Variants in GRID2 observed in about 807,000 individuals in gnomAD.
GRID2 encodes the protein glutamate receptor ionotropic, delta-2.
A neutral mutation model predicts 114.8 loss-of-function variants in GRID2; 33 were observed. The observed-to-expected ratio is 0.29, with a 90% CI of 0.22 to 0.38. The LOEUF (loss-of-function observed/expected upper bound fraction) is 0.38, where lower values mean the gene tolerates loss of function less well. GRID2 is among the 10% of genes least tolerant of loss of function. The pLI, the probability that GRID2 is intolerant of heterozygous loss-of-function variation, is 1.00. For missense variants in GRID2, 1,184 were observed against 1,257.7 expected (o/e 0.94, Z 0.89); for synonymous variants, 505 against 449.9 (o/e 1.12, Z -1.55).
Position 93,053,428 on chromosome 4 carries a change from T to C in GRID2, c.245-31567T>C, listed in dbSNP as rs577267397. On this transcript the variant is annotated intron_variant, in intron 2 of 15. Transcript: ENST00000282020. ...TTAAGTGTGTGTTCTCGTGTGCACA[T>C]GTTGGTGTTCGTAGGCTGTGGTCAC... Among the ~76,000 whole-genome samples, 166 of 152,066 alleles carry C rather than the reference T, an allele frequency of 1.1e-3. 4 individuals carry two copies. In the South Asian group the frequency reaches 0.033, roughly 31 times the overall value.
chr4:93,099,654 T>C lies in GRID2; in HGVS notation c.530-11094T>C, dbSNP rs552173197. Among the ~76,000 whole-genome samples the C allele has an allele frequency of 6.6e-5, 10 of 151,998 alleles. 1 individual carries two copies. The South Asian group carries it at 2.1e-3, about 32-fold the overall frequency. ...ATGAATCAGAGGGTTATTTATGGGC[T>C]CCACTGCATACTGAAAACATTGATT... On this transcript the variant is annotated intron_variant, in intron 3 of 15. Coordinates refer to ENST00000282020, the MANE Select transcript of GRID2 (RefSeq NM_001510.4).
intron 4 of GRID2, among the ~76,000 whole-genome samples, chr4:93,202,757 C>A (rs899066870): frequency 6.6e-6 from 1 of 152,036 alleles, no homozygotes. Flanking sequence ...CTCAGAAATT[C>A]TTTTTAGGTA....
In GRID2 at chr4:92,704,723, T is replaced by TTCTCTCTCTCTCTCTCTCTCTTTC. The variant is rs1734863103; in HGVS notation, c.244+114458_244+114459insTTCTCTCTCTCTCTCTCTCTCTCT. ...TCAATCTCTCTCTCTCTCTCTCTCT[T>TTCTCTCTCTCTCTCTCTCTCTTTC]TCTCTCTCTCTCTCTCTCTCTCCCT... On this transcript the variant is annotated intron_variant, in intron 2 of 15. Coordinates refer to ENST00000282020, the MANE Select transcript of GRID2 (RefSeq NM_001510.4). Among the ~76,000 whole-genome samples, 4 of 90,098 alleles carry TTCTCTCTCTCTCTCTCTCTCTTTC rather than the reference T, an allele frequency of 4.4e-5. No individual in the cohort carries two copies. The South Asian group carries it at 1.3e-3, about 30-fold the overall frequency. 59.1% of individuals were successfully genotyped at this position (90,098 alleles called of 152,430 possible).
intron 13 of GRID2, among the ~76,000 whole-genome samples, chr4:93,559,587 G>A (rs527376382): frequency 2.0e-5 from 3 of 152,076 alleles, no homozygotes; most frequent in Admixed American, 6.6e-5. Flanking sequence ...CAACAGATGC[G>A]GGAGAGGATG....
intron 9 of GRID2, among the ~76,000 whole-genome samples, chr4:93,415,281 G>A (rs1321719205): frequency 6.6e-6 from 1 of 151,992 alleles, no homozygotes; most frequent in Non-Finnish European, 1.5e-5. Context: ...CACTTGCAAA[G>A]TTCTTTGTAC....
At chr4:93,081,294 A>G (rs1455092901) in intron 2 of GRID2, among the ~76,000 whole-genome samples, 1 of 152,232 alleles carries the variant, frequency 6.6e-6, no homozygotes, top group African/African-American at 2.4e-5. Context: ...TCTCATTTTC[A>G]GTAAGAGGTA....
At chr4:92,588,542 G>A (rs910070736) in intron 1 of GRID2, among the ~76,000 whole-genome samples, 3 of 151,670 alleles carry the variant, frequency 2.0e-5, no homozygotes, top group African/African-American at 2.4e-5. Context: ...AGCTGGGCGC[G>A]GTGGCAGGTG....
At chr4:93,403,040 G>T (rs1766053793) in intron 9 of GRID2, among the ~76,000 whole-genome samples, 1 of 152,144 alleles carries the variant, frequency 6.6e-6, no homozygotes, top group African/African-American at 2.4e-5. Flanking sequence ...AACTTGTCAA[G>T]AGACTCTACT....
chr4:92,443,422 G>A (rs1229594114), intron 1 of GRID2, among the ~76,000 whole-genome samples: 5 of 151,952 alleles, frequency 3.3e-5, no homozygotes, highest in African/African-American at 1.2e-4. Context: ...AGGAGGAATG[G>A]AGGGTGGAAG....
chr4:92,626,362 C>T (rs909012431), intron 2 of GRID2, among the ~76,000 whole-genome samples: 2 of 151,944 alleles, frequency 1.3e-5, no homozygotes, highest in Non-Finnish European at 2.9e-5. Context: ...GATTTGGGCC[C>T]ATGGGTGGTT....
At chr4:92,535,076 T>C (rs1174770244) in intron 1 of GRID2, among the ~76,000 whole-genome samples, 1 of 152,184 alleles carries the variant, frequency 6.6e-6, no homozygotes. Flanking sequence ...CTCTACCTTA[T>C]ATGGGCTAAC....
At chr4:92,378,186 A>C (rs1729444915) in intron 1 of GRID2, among the ~76,000 whole-genome samples, 2 of 152,000 alleles carry the variant, frequency 1.3e-5, no homozygotes, top group South Asian at 4.1e-4. Context: ...AAAACTAAAA[A>C]TTTAAGGGGA....
intron 2 of GRID2, among the ~76,000 whole-genome samples, chr4:92,809,272 T>C (rs1560604864): frequency 1.3e-5 from 2 of 151,942 alleles, no homozygotes; most frequent in African/African-American, 4.8e-5. Context: ...TAATTGAGCC[T>C]TAGGAGTATG....
intron 13 of GRID2, among the ~76,000 whole-genome samples, chr4:93,592,108 T>C (rs565688862): frequency 6.6e-6 from 1 of 152,154 alleles, no homozygotes; most frequent in Non-Finnish European, 1.5e-5. Flanking sequence ...CCTTTTGAAT[T>C]TGTTTCCTCT....
intron 11 of GRID2, among the ~76,000 whole-genome samples, chr4:93,474,150 A>T (rs187576848): frequency 6.6e-6 from 1 of 152,270 alleles, no homozygotes; most frequent in African/African-American, 2.4e-5. Context: ...TTATGATTCA[A>T]TTAAAAGTTT....
In GRID2 at chr4:93,216,821, C is replaced by T; in HGVS notation, c.873C>T (p.Pro291=). 6.2e-7 allele frequency: 1 copy of T among 1,612,640 alleles called. No homozygotes were observed. Among genetic ancestry groups the T allele is most frequent in the Non-Finnish European group, 8.5e-7 (1 of 1,178,778 alleles). ...TTATTCGGCAGACATTTCCAGTTCC[C>T]CAGAACATAAGTCAGCGGTGTTTCC... The part of the protein sequence containing the change: ...LTIIRQTFPV[P]QNISQRCFRG... The change falls in exon 6 of 16, where the codon CCC becomes CCT. Residue 291 remains proline, a synonymous_variant. Coordinates refer to ENST00000282020, the MANE Select transcript of GRID2 (RefSeq NM_001510.4).
At chr4:92,655,144 A>G (rs1181840162) in intron 2 of GRID2, among the ~76,000 whole-genome samples, 2 of 151,942 alleles carry the variant, frequency 1.3e-5, no homozygotes, top group Non-Finnish European at 2.9e-5. Flanking sequence ...TTATTGAAGA[A>G]GGTGTTCTTT....
At chr4:93,292,070 C>T (rs1486460582) in intron 8 of GRID2, among the ~76,000 whole-genome samples, 2 of 152,274 alleles carry the variant, frequency 1.3e-5, no homozygotes, top group African/African-American at 4.8e-5. Context: ...ACTTATTCCA[C>T]AAGATGCTGC....
At chr4:92,329,864 C>G (rs2110141249) in intron 1 of GRID2, among the ~76,000 whole-genome samples, 1 of 151,304 alleles carries the variant, frequency 6.6e-6, no homozygotes, top group Admixed American at 6.6e-5. Context: ...GAGGAAATGA[C>G]ATACAACAGA....
Sources: allele counts gnomAD v4.1 joint callset (sites outside exome capture counted in the v4.1 genomes callset), GRCh38; gene constraint gnomAD v4.1.1; transcripts MANE v1.5; gene names NCBI Gene and HGNC (gene_info 2026-07-23, HGNC 2026-07-21).